Variants in WDTC1 observed in about 807,000 individuals in gnomAD.
WDTC1 encodes WD and tetratricopeptide repeats 1.
A neutral mutation model predicts 76.0 loss-of-function variants in WDTC1; 12 were observed. The ratio of observed to expected loss-of-function variants is 0.16; its 90% CI spans 0.10 to 0.26. The LOEUF (loss-of-function observed/expected upper bound fraction) is 0.26. WDTC1 is among the 10% of genes least tolerant of loss of function. The pLI, the probability that WDTC1 is intolerant of heterozygous loss-of-function variation, is 1.00. For synonymous variants in WDTC1, 326 were observed against 350.8 expected, an observed-to-expected ratio of 0.93 and a Z score of 0.79; for missense variants, 511 against 908.8, an observed-to-expected ratio of 0.56 and a Z score of 5.63.
intron 2 of WDTC1, among the ~76,000 whole-genome samples, chr1:27,261,818 T>C (rs376894957): frequency 5.9e-5 from 9 of 152,344 alleles, no homozygotes; most frequent in African/African-American, 2.2e-4. Context: ...TTTATGTTGT[T>C]AAATGATGAT....
chr1:27,263,272 CT>C, intron 3 of WDTC1, 37 bp downstream of exon 3: 1 of 1,596,658 alleles, frequency 6.3e-7, no homozygotes, highest in African/African-American at 1.3e-5. Flanking sequence ...TGCAGATGGC[CT>C]GCTGTCCATT....
intron 14 of WDTC1, 43 bp from the exon 15 acceptor site, chr1:27,304,952 TGTAGGG>T: frequency 3.8e-6 from 6 of 1,563,704 alleles, no homozygotes; most frequent in Non-Finnish European, 4.3e-6. Flanking sequence ...TACTTGAGGC[TGTAGGG>T]CAGTACCCCA....
intron 6 of WDTC1, among the ~76,000 whole-genome samples, chr1:27,289,878 G>T (rs1056497150): frequency 6.6e-6 from 1 of 152,184 alleles, no homozygotes; most frequent in Admixed American, 6.5e-5. Flanking sequence ...GCAGGCACTC[G>T]GCAGGCTGAG....
At chr1:27,248,175 G>A (rs2011915431) in intron 1 of WDTC1, among the ~76,000 whole-genome samples, 1 of 152,220 alleles carries the variant, frequency 6.6e-6, no homozygotes, top group African/African-American at 2.4e-5. Flanking sequence ...CCCAGTAATA[G>A]GATTGCTAGG....
At chr1:27,257,780 G>GT (rs1248005274) in intron 1 of WDTC1, among the ~76,000 whole-genome samples, 1 of 151,896 alleles carries the variant, frequency 6.6e-6, no homozygotes, top group African/African-American at 2.4e-5. Context: ...GTTCTTGCCT[G>GT]TTTTTTTGTT....
intron 10 of WDTC1, among the ~76,000 whole-genome samples, chr1:27,296,634 C>A (rs2013693589): frequency 1.3e-5 from 2 of 152,166 alleles, no homozygotes; most frequent in African/African-American, 4.8e-5. Context: ...AGGTTCCTTC[C>A]ATGGCTTGGC....
At chr1:27,292,539 C>T (rs371858048) in intron 7 of WDTC1, 142 bp downstream of exon 7, 47 of 734,570 alleles carry the variant, frequency 6.4e-5, no homozygotes, top group East Asian at 4.3e-4. Context: ...GCGATCCTCC[C>T]ATCTCAGCCT....
chr1:27,234,781 GC>G lies in WDTC1; in HGVS notation c.-266del. ...CAGGGGCGGGCGGAGGCGCTGTCCG[GC>G]CCCGGCCAGGCGCCGGGCGGGGAGC... On this transcript the variant is annotated 5_prime_UTR_variant, in exon 1 of 16. Coordinates refer to ENST00000319394, the MANE Select transcript of WDTC1 (RefSeq NM_001276252.2). 2.5e-6 allele frequency: 1 copy of G among 398,566 alleles called. No homozygotes were observed. The highest frequency in any genetic ancestry group is 4.4e-6 in the Non-Finnish European group (1 of 226,278). 24.7% of individuals were successfully genotyped at this position (398,566 alleles called of 1,614,324 possible). A position where few individuals can be genotyped will look rare whatever the true frequency, so the allele number is the denominator to read the frequency against.
At chr1:27,256,109 G>A (rs1570946761) in intron 1 of WDTC1, among the ~76,000 whole-genome samples, 1 of 152,152 alleles carries the variant, frequency 6.6e-6, no homozygotes, top group Non-Finnish European at 1.5e-5. Context: ...AGTCATGCTT[G>A]AAGAATGCTA....
rs71711977 is a variant in WDTC1 at position 27,269,611 on chromosome 1, T to TTG, written c.132+6377_132+6378insGT. Among the ~76,000 whole-genome samples, 12 of 141,826 alleles carry TTG rather than the reference T, an allele frequency of 8.5e-5. No individual in the cohort carries two copies. In the East Asian group the frequency reaches 1.2e-3, roughly 14 times the overall value. 93.0% of individuals were successfully genotyped at this position (141,826 alleles called of 152,430 possible). A position where few individuals can be genotyped will look rare whatever the true frequency, so the allele number is the denominator to read the frequency against. Reference sequence around the variant, plus strand: ...CAGATTTTTTTTTGTTTTTTGTTTTTTTTTTTTCGGTTTTTTTTTTTTTGA... The same window carrying TTG: ...CAGATTTTTTTTTGTTTTTTGTTTTTTGTTTTTTTCGGTTTTTTTTTTTTTGA... On this transcript the variant is annotated intron_variant, in intron 3 of 15. Coordinates refer to ENST00000319394, the MANE Select transcript of WDTC1 (RefSeq NM_001276252.2).
intron 1 of WDTC1, among the ~76,000 whole-genome samples, chr1:27,252,579 C>T (rs1026398646): frequency 2.6e-5 from 4 of 152,060 alleles, no homozygotes; most frequent in Admixed American, 2.0e-4. Flanking sequence ...AGGCAGATTA[C>T]TTGAGGCCAG....
chr1:27,294,146 C>T, intron 8 of WDTC1, 30 bp downstream of exon 8: 1 of 1,604,962 alleles, frequency 6.2e-7, no homozygotes, highest in Non-Finnish European at 8.5e-7. Flanking sequence ...TGGCCCCAAA[C>T]TCTCGGCTAG....
chr1:27,269,606 G>GTTTTTTTTTTTTTTGTTTTTTT (rs56885576), intron 3 of WDTC1, among the ~76,000 whole-genome samples: 2 of 119,474 alleles, frequency 1.7e-5, no homozygotes, highest in African/African-American at 3.1e-5. Context: ...TTTGTTTTTT[G>GTTTTTTTTTTTTTTGTTTTTTT]TTTTTTTTTT....
At chr1:27,257,055 G>A (rs2012306098) in intron 1 of WDTC1, among the ~76,000 whole-genome samples, 1 of 151,998 alleles carries the variant, frequency 6.6e-6, no homozygotes, top group South Asian at 2.1e-4. Context: ...GTAGAGACGG[G>A]GTTTCACCAT....
At chr1:27,257,391 A>C (rs919969544) in intron 1 of WDTC1, among the ~76,000 whole-genome samples, 23 of 152,084 alleles carry the variant, frequency 1.5e-4, no homozygotes, top group African/African-American at 5.1e-4. Flanking sequence ...TAAGAGACTT[A>C]AGCAAGGCCA....
chr1:27,285,815 C>T (rs540890216), intron 5 of WDTC1, among the ~76,000 whole-genome samples: 4 of 151,058 alleles, frequency 2.6e-5, no homozygotes, highest in Admixed American at 2.0e-4. Context: ...CTTGAATTCC[C>T]GACCTCAGGT....
intron 2 of WDTC1, among the ~76,000 whole-genome samples, chr1:27,262,547 C>A (rs2012515532): frequency 6.6e-6 from 1 of 152,064 alleles, no homozygotes. Context: ...TGCCACCATG[C>A]CTGGCTAATT....
chr1:27,257,186 T>A (rs920037633), intron 1 of WDTC1, among the ~76,000 whole-genome samples: 4 of 152,128 alleles, frequency 2.6e-5, no homozygotes, highest in Non-Finnish European at 5.9e-5. Flanking sequence ...TCTTAGTAAA[T>A]AAAAATATTT....
intron 1 of WDTC1, among the ~76,000 whole-genome samples, chr1:27,252,692 G>A (rs955063381): frequency 6.6e-6 from 1 of 151,862 alleles, no homozygotes; most frequent in African/African-American, 2.4e-5. Flanking sequence ...CAGCTACTCC[G>A]GAGGCAGAGG....
Sources: allele counts gnomAD v4.1 joint callset (sites outside exome capture counted in the v4.1 genomes callset), GRCh38; gene constraint gnomAD v4.1.1; transcripts MANE v1.5; gene names NCBI Gene and HGNC (gene_info 2026-07-23, HGNC 2026-07-21).